MARCKS: variants seen among roughly 807,000 people sequenced by gnomAD.
The protein encoded by MARCKS is myristoylated alanine rich protein kinase C substrate, also known as myristoylated alanine-rich C-kinase substrate.
A neutral mutation model predicts 6.3 loss-of-function variants in MARCKS; 4 were observed. That is an observed-to-expected ratio of 0.63 (90% CI 0.31 to 1.45). MARCKS has a LOEUF of 1.45. MARCKS is among the 40% of genes most tolerant of loss of function. MARCKS has a pLI of 0.07. For synonymous variants in MARCKS, 289 were observed against 236.5 expected (o/e 1.22, Z -2.04); for missense variants, 636 against 485.7 (o/e 1.31, Z -2.91).
Position 113,857,791 on chromosome 6 carries a change from G to A in MARCKS, c.46G>A (p.Ala16Thr), listed in dbSNP as rs746475421. Residue 16 changes from alanine (A) to threonine (T), a missense_variant, in exon 1 of 2, where the codon GCG becomes ACG. By Grantham distance (58) the Ala-to-Thr change is moderately conservative. Coordinates refer to ENST00000612661, the MANE Select transcript of MARCKS (RefSeq NM_002356.7). ...SKTAAKGEAA[A>T]ERPGEAAVAS... is the part of the protein sequence containing the mutation. ...GACCGCAGCGAAGGGAGAAGCCGCC[G>A]CGGAGAGGCCTGGGGAGGCGGCTGT... 36 of 1,609,646 alleles carry A rather than the reference G, an allele frequency of 2.2e-5. No individual in the cohort carries two copies. Among genetic ancestry groups the A allele is most frequent in the Non-Finnish European group, 3.1e-5 (36 of 1,178,322 alleles).
Position 113,860,512 on chromosome 6 carries a change from C to A in MARCKS, c.932C>A (p.Ala311Glu). 1 of 1,545,368 alleles carries A rather than the reference C, an allele frequency of 6.5e-7. No individual in the cohort carries two copies. Among genetic ancestry groups the A allele is most frequent in the Non-Finnish European group, 8.7e-7 (1 of 1,149,446 alleles). ...GCCGCCGCAGCCTCGTCAGCCTGCG[C>A]AGCCCCCTCACAGGAGGCCCAGCCC... Reference protein sequence around the residue: ...PAAAAASSACAAPSQEAQPEC... With the variant: ...PAAAAASSACEAPSQEAQPEC... Residue 311 changes from alanine to glutamate, a missense_variant, in exon 2 of 2, where the codon GCA (alanine) becomes GAA (glutamate). Ala to Glu is a moderately radical substitution (Grantham distance 107). Transcript: ENST00000612661.
intron 1 of MARCKS, among the ~76,000 whole-genome samples, chr6:113,858,383 CT>C (rs1582439186): frequency 1.3e-5 from 2 of 151,858 alleles, no homozygotes; most frequent in African/African-American, 4.9e-5. Flanking sequence ...GGAAAGGTGG[CT>C]GGCTGGGGCC....
Position 113,860,462 on chromosome 6 carries a change from G to A in MARCKS, c.882G>A (p.Glu294=). ...AAGPGAPPEQ[E]AAPAEEPAAA... is the part of the protein sequence containing the mutation. ...GGCCCGGCGCGCCCCCGGAGCAGGA[G>A]GCAGCCCCCGCGGAGGAGCCCGCGG... The change falls in exon 2 of 2, where the codon GAG becomes GAA. Residue 294 remains glutamate, a synonymous_variant. Transcript: ENST00000612661. The A allele has an allele frequency of 7.2e-7, 1 of 1,383,302 alleles. No homozygotes were observed. The highest frequency in any genetic ancestry group is 9.5e-7 in the Non-Finnish European group (1 of 1,056,744). The allele number at this position is 1,383,302 out of a possible 1,614,324, so 85.7% of individuals were successfully genotyped here. A position where few individuals can be genotyped will look rare whatever the true frequency, so the allele number is the denominator to read the frequency against.
At position 113,861,857 on chromosome 6, in the gene MARCKS, G is replaced by C. The variant is rs1487272870; in HGVS notation, c.*1278G>C. On this transcript the variant is annotated 3_prime_UTR_variant, in exon 2 of 2. Coordinates refer to ENST00000612661, the MANE Select transcript of MARCKS (RefSeq NM_002356.7). ...TAATACTGAGACTTCTAGGTCTTAGGTTAATTTTTAGGAAGATCTTGCATG... is the reference window on the plus strand; with the variant it reads ...TAATACTGAGACTTCTAGGTCTTAGCTTAATTTTTAGGAAGATCTTGCATG... The C allele has an allele frequency of 6.6e-6, 1 of 152,468 alleles. No homozygotes were observed. Among genetic ancestry groups the C allele is most frequent in the Admixed American group, 6.5e-5 (1 of 15,274 alleles). The allele number at this position is 152,468 out of a possible 1,614,324, so 9.4% of individuals were successfully genotyped here. A position where few individuals can be genotyped will look rare whatever the true frequency, so the allele number is the denominator to read the frequency against.
rs767114412 is a variant in MARCKS, at chr6:113,857,806, G to C, written c.61G>C (p.Glu21Gln). 11 of 1,608,558 alleles carry C rather than the reference G, an allele frequency of 6.8e-6. No individual in the cohort carries two copies. Among genetic ancestry groups the C allele is most frequent in the Non-Finnish European group, 9.3e-6 (11 of 1,177,882 alleles). ...KGEAAAERPG[E>Q]AAVASSPSKA... The stretch of plus-strand genomic sequence containing the variant: ...AGAAGCCGCCGCGGAGAGGCCTGGG[G>C]AGGCGGCTGTGGCCTCGTCGCCTTC... The change falls in exon 1 of 2, where the codon GAG (glutamate) becomes CAG (glutamine). Residue 21 changes from glutamate (E) to glutamine (Q), a missense_variant. Coordinates refer to ENST00000612661, the MANE Select transcript of MARCKS (RefSeq NM_002356.7).
At chr6:113,859,648 G>C (rs1370599010) in intron 1 of MARCKS, 35 bp from the exon 2 acceptor site, 4 of 1,452,198 alleles carry the variant, frequency 2.8e-6, no homozygotes, top group Non-Finnish European at 3.6e-6. Context: ...CGCCCCGGCC[G>C]CTTCAGTGAC....
chr6:113,858,991 C>T (rs1774831973), intron 1 of MARCKS, among the ~76,000 whole-genome samples: 1 of 152,104 alleles, frequency 6.6e-6, no homozygotes, highest in African/African-American at 2.4e-5. Flanking sequence ...CTGCGCGATC[C>T]GGGCTCGGGG....
In MARCKS at chr6:113,859,805, C is replaced by T. The variant is rs778948419; in HGVS notation, c.225C>T (p.Ala75=). 1.3e-5 allele frequency: 18 copies of T among 1,360,424 alleles called. No homozygotes were observed. In the South Asian group the frequency reaches 2.4e-4, roughly 18 times the overall value. The allele number at this position is 1,360,424 out of a possible 1,614,324, so 84.3% of individuals were successfully genotyped here. The change falls in exon 2 of 2, where the codon GCC becomes GCT. Residue 75 remains alanine (A), a synonymous_variant. Coordinates refer to ENST00000612661, the MANE Select transcript of MARCKS (RefSeq NM_002356.7). ...CCGACAAGGAGGAGCCCGCGGCCGCCGGGAGCGGGGCGGCGTCGCCCTCCG... is the reference window on the plus strand; with the variant it reads ...CCGACAAGGAGGAGCCCGCGGCCGCTGGGAGCGGGGCGGCGTCGCCCTCCG... The part of the protein sequence containing the change: ...PAADKEEPAA[A]GSGAASPSAA...
chr6:113,860,518 C>T lies in MARCKS; in HGVS notation c.938C>T (p.Pro313Leu), dbSNP rs144135156. 2.2e-4 allele frequency: 335 copies of T among 1,551,620 alleles called. No homozygotes were observed. In the African/African-American group the frequency reaches 3.8e-3, roughly 18 times the overall value. ...GCAGCCTCGTCAGCCTGCGCAGCCC[C>T]CTCACAGGAGGCCCAGCCCGAGTGC... ...AAAASSACAA[P>L]SQEAQPECSP... The change falls in exon 2 of 2, where the codon CCC (proline) becomes CTC (leucine). Residue 313 changes from proline (P) to leucine (L), a missense_variant. Physicochemically the swap from Pro to Leu is moderately conservative, Grantham distance 98. Transcript: ENST00000612661.
chr6:113,859,600 G>A (rs1774843794), intron 1 of MARCKS, 83 bp from the exon 2 acceptor site: 1 of 1,236,678 alleles, frequency 8.1e-7, no homozygotes, highest in Non-Finnish European at 1.1e-6. Context: ...GGGGGAAGCG[G>A]GGCACTCCCG....
At position 113,860,360 on chromosome 6, in the gene MARCKS, G is replaced by T; in HGVS notation, c.780G>T (p.Glu260Asp). The T allele has an allele frequency of 7.7e-7, 1 of 1,293,090 alleles. No individual in the cohort carries two copies. The highest frequency in any genetic ancestry group is 1.0e-6 in the Non-Finnish European group (1 of 994,410). The allele number at this position is 1,293,090 out of a possible 1,614,324, so 80.1% of individuals were successfully genotyped here. The change falls in exon 2 of 2, where the codon GAG becomes GAT. Residue 260 changes from glutamate (E) to aspartate (D), a missense_variant. By Grantham distance (45) the Glu-to-Asp change is conservative (BLOSUM62 2). Coordinates refer to ENST00000612661, the MANE Select transcript of MARCKS (RefSeq NM_002356.7). Reference protein sequence around the residue: ...PASDETKAAEEPSKVEEKKAE... With the variant: ...PASDETKAAEDPSKVEEKKAE... The stretch of plus-strand genomic sequence containing the variant: ...GCGACGAGACCAAGGCCGCCGAGGA[G>T]CCCAGCAAGGTGGAGGAGAAAAAGG...
intron 1 of MARCKS, among the ~76,000 whole-genome samples, chr6:113,858,825 C>T (rs544523902): frequency 2.0e-5 from 3 of 152,386 alleles, no homozygotes; most frequent in South Asian, 2.1e-4. Context: ...CAAAATGAGC[C>T]GCCGAGGCGC....
chr6:113,860,362 C>A lies in MARCKS; in HGVS notation c.782C>A (p.Pro261His). ...GACGAGACCAAGGCCGCCGAGGAGCCCAGCAAGGTGGAGGAGAAAAAGGCC... is the reference window on the plus strand; with the variant it reads ...GACGAGACCAAGGCCGCCGAGGAGCACAGCAAGGTGGAGGAGAAAAAGGCC... Reference protein sequence around the residue: ...ASDETKAAEEPSKVEEKKAEE... With the variant: ...ASDETKAAEEHSKVEEKKAEE... Residue 261 changes from proline (P) to histidine (H), a missense_variant, in exon 2 of 2, where the codon CCC (proline) becomes CAC (histidine). Coordinates refer to ENST00000612661, the MANE Select transcript of MARCKS (RefSeq NM_002356.7). 2 of 1,295,648 alleles carry A rather than the reference C, an allele frequency of 1.5e-6. No individual in the cohort carries two copies. The highest frequency in any genetic ancestry group is 2.9e-5 in the Admixed American group (1 of 34,936). 80.3% of individuals were successfully genotyped at this position (1,295,648 alleles called of 1,614,324 possible).
At position 113,861,202 on chromosome 6, in the gene MARCKS, A is replaced by G. The variant is rs1355739294; in HGVS notation, c.*623A>G. 1 of 152,538 alleles carries G rather than the reference A, an allele frequency of 6.6e-6. No homozygotes were observed. The allele number at this position is 152,538 out of a possible 1,614,324, so 9.4% of individuals were successfully genotyped here. On this transcript the variant is annotated 3_prime_UTR_variant, in exon 2 of 2. Coordinates refer to ENST00000612661, the MANE Select transcript of MARCKS (RefSeq NM_002356.7). ...ACACCAATACCCAGATTTAAAAAAAAAAAAACGATCATAGTCTTAGGAGTT... is the reference window on the plus strand; with the variant it reads ...ACACCAATACCCAGATTTAAAAAAAGAAAAACGATCATAGTCTTAGGAGTT...
In MARCKS at chr6:113,860,587, A is replaced by G; in HGVS notation, c.*8A>G. 3 of 1,536,354 alleles carry G rather than the reference A, an allele frequency of 2.0e-6. No homozygotes were observed. The highest frequency in any genetic ancestry group is 2.6e-6 in the Non-Finnish European group (3 of 1,146,302). ...GCGGAGGCGGCAGAGTAAAAGAGCAAGCTTTTGTGAGATAATCGAAGAACT... is the reference window on the plus strand; with the variant it reads ...GCGGAGGCGGCAGAGTAAAAGAGCAGGCTTTTGTGAGATAATCGAAGAACT... On this transcript the variant is annotated 3_prime_UTR_variant, in exon 2 of 2. Coordinates refer to ENST00000612661, the MANE Select transcript of MARCKS (RefSeq NM_002356.7).
At position 113,860,050 on chromosome 6, in the gene MARCKS, G is replaced by T. The variant is rs1774864876; in HGVS notation, c.470G>T (p.Arg157Leu). ...SNETPKKKKK[R>L]FSFKKSFKLS... ...GAGACCCCGAAAAAAAAAAAGAAGC[G>T]CTTTTCCTTCAAGAAGTCTTTCAAG... Residue 157 changes from arginine (R) to leucine (L), a missense_variant, in exon 2 of 2, where the codon CGC becomes CTC. By Grantham distance (102) the Arg-to-Leu change is moderately radical. Transcript: ENST00000612661. 1 of 1,573,704 alleles carries T rather than the reference G, an allele frequency of 6.4e-7. No homozygotes were observed. The highest frequency in any genetic ancestry group is 8.6e-7 in the Non-Finnish European group (1 of 1,162,548).
chr6:113,859,027 G>C (rs1774833386), intron 1 of MARCKS, among the ~76,000 whole-genome samples: 1 of 152,040 alleles, frequency 6.6e-6, no homozygotes, highest in Non-Finnish European at 1.5e-5. Flanking sequence ...GGCAGGGCCC[G>C]GCTGGGCAGG....
chr6:113,860,905 A>G lies in MARCKS; in HGVS notation c.*326A>G, dbSNP rs1175328675. ...ATGTTTTTGCATACTTTGCATCTTT[A>G]TTCAAAAGTGTAAACTTTCTTTGTC... On this transcript the variant is annotated 3_prime_UTR_variant, in exon 2 of 2. Coordinates refer to ENST00000612661, the MANE Select transcript of MARCKS (RefSeq NM_002356.7). 6.3e-6 allele frequency: 1 copy of G among 159,714 alleles called. No homozygotes were observed. Among genetic ancestry groups the G allele is most frequent in the Non-Finnish European group, 1.4e-5 (1 of 72,858 alleles). 9.9% of individuals were successfully genotyped at this position (159,714 alleles called of 1,614,324 possible). A position where few individuals can be genotyped will look rare whatever the true frequency, so the allele number is the denominator to read the frequency against.
Position 113,857,760 on chromosome 6 carries a change from C to T in MARCKS, c.15C>T (p.Phe5=). Residue 5 remains phenylalanine (F), a synonymous_variant, in exon 1 of 2, where the codon TTC becomes TTT. Transcript: ENST00000612661. The part of the protein sequence containing the change: MGAQ[F]SKTAAKGEAA... The stretch of plus-strand genomic sequence containing the variant: ...AAGAAGCCAGCATGGGTGCCCAGTT[C>T]TCCAAGACCGCAGCGAAGGGAGAAG... 1 of 1,607,672 alleles carries T rather than the reference C, an allele frequency of 6.2e-7. No individual in the cohort carries two copies. The highest frequency in any genetic ancestry group is 8.5e-7 in the Non-Finnish European group (1 of 1,177,154).
Sources: allele counts gnomAD v4.1 joint callset (sites outside exome capture counted in the v4.1 genomes callset), GRCh38; gene constraint gnomAD v4.1.1; transcripts MANE v1.5; gene names NCBI Gene and HGNC (gene_info 2026-07-23, HGNC 2026-07-21).